The following RANBP10 variants were observed in gnomAD, a reference collection of about 807,000 sequenced individuals.
The protein encoded by RANBP10 is ran-binding protein 10.
RANBP10 carries 24 observed loss-of-function variants against 72.8 expected under a neutral mutation model. The observed-to-expected ratio is 0.33, with a 90% CI of 0.24 to 0.46. The LOEUF is 0.46. Ranked by LOEUF, RANBP10 falls within the 20% of genes least tolerant of loss-of-function variation. RANBP10 has a pLI of 1.00. For missense variants in RANBP10, 679 were observed against 817.5 expected (o/e 0.83, Z 2.07); for synonymous variants, 310 against 322.3 (o/e 0.96, Z 0.41).
intron 3 of RANBP10, among the ~76,000 whole-genome samples, chr16:67,757,020 C>A (rs1433509368): frequency 6.6e-6 from 1 of 152,160 alleles, no homozygotes; most frequent in Non-Finnish European, 1.5e-5. Flanking sequence ...CCCTGACCAA[C>A]ATAGAGAAAC....
chr16:67,779,679 G>A (rs1404078394), intron 2 of RANBP10, among the ~76,000 whole-genome samples: 1 of 152,092 alleles, frequency 6.6e-6, no homozygotes, highest in Non-Finnish European at 1.5e-5. Context: ...AAACAGGTGT[G>A]ATAAATTTCT....
rs2055150130 is a variant in RANBP10, at chr16:67,797,273, C to T, written c.347+8155G>A. Among the ~76,000 whole-genome samples, 4 of 152,174 alleles carry T rather than the reference C, an allele frequency of 2.6e-5. No homozygotes were observed. In the South Asian group the frequency reaches 8.3e-4, roughly 32 times the overall value. ...ATTTCTCTAAAAGCTAATCCTTGAC[C>T]AAGAAGGCCCCAGCTATAAAGAAGG... On this transcript the variant is annotated intron_variant, in intron 2 of 13. Transcript: ENST00000317506.
rs1176673068 is a variant in RANBP10, at chr16:67,785,139, G to A, written c.348-13053C>T. Among the ~76,000 whole-genome samples, 4 of 152,090 alleles carry A rather than the reference G, an allele frequency of 2.6e-5. No homozygotes were observed. The East Asian group carries it at 5.8e-4, about 22-fold the overall frequency. The stretch of plus-strand genomic sequence containing the variant: ...AGGCAGGAGAATCACTGGAACCCTG[G>A]AAGAGGAGGTTGCAGTGAGCCGAGA... On this transcript the variant is annotated intron_variant, in intron 2 of 13. Coordinates refer to ENST00000317506, the MANE Select transcript of RANBP10 (RefSeq NM_020850.3).
In RANBP10 at chr16:67,728,008, C is replaced by G. The variant is rs1597817603; in HGVS notation, c.1475-112G>C. ...GGCTGCAGCTTCTGCCAGAGGCAGG[C>G]AGGGCTGGGAGGAACAGGTGAGGCA... On this transcript the variant is annotated intron_variant, in intron 11 of 13. Transcript: ENST00000317506. The G allele has an allele frequency of 2.4e-6, 3 of 1,232,290 alleles. No individual in the cohort carries two copies. In the South Asian group the frequency reaches 4.0e-5, roughly 16 times the overall value. The allele number at this position is 1,232,290 out of a possible 1,614,324, so 76.3% of individuals were successfully genotyped here.
intron 2 of RANBP10, among the ~76,000 whole-genome samples, chr16:67,803,586 G>C (rs2143030452): frequency 6.7e-6 from 1 of 148,944 alleles, no homozygotes; most frequent in Non-Finnish European, 1.5e-5. Context: ...GGAGGCGGAG[G>C]TTGTGGTGAG....
At chr16:67,756,547 G>A (rs1205580377) in intron 3 of RANBP10, among the ~76,000 whole-genome samples, 1 of 152,036 alleles carries the variant, frequency 6.6e-6, no homozygotes, top group Admixed American at 6.6e-5. Flanking sequence ...TACTAAAAAT[G>A]TAACAATTAG....
At chr16:67,772,721 T>G (rs2054631092) in intron 2 of RANBP10, among the ~76,000 whole-genome samples, 1 of 152,132 alleles carries the variant, frequency 6.6e-6, no homozygotes, top group Admixed American at 6.6e-5. Flanking sequence ...CTTATTCTCT[T>G]TGAACCCTGA....
intron 2 of RANBP10, among the ~76,000 whole-genome samples, chr16:67,790,533 G>C (rs2055004596): frequency 6.6e-6 from 1 of 151,522 alleles, no homozygotes; most frequent in African/African-American, 2.4e-5. Flanking sequence ...AAACCAGCAA[G>C]GACCGCATCT....
At chr16:67,740,943 G>A (rs571073745) in intron 4 of RANBP10, among the ~76,000 whole-genome samples, 4 of 152,190 alleles carry the variant, frequency 2.6e-5, no homozygotes, top group South Asian at 2.1e-4. Context: ...GGCCTGCCCC[G>A]GAGCTGCCCT....
intron 2 of RANBP10, among the ~76,000 whole-genome samples, chr16:67,772,675 G>T (rs764247346): frequency 1.3e-5 from 2 of 152,126 alleles, no homozygotes; most frequent in Non-Finnish European, 2.9e-5. Context: ...GGCCCCCAGA[G>T]ACCCCCTCAC....
chr16:67,728,416 T>G lies in RANBP10; in HGVS notation c.1448A>C (p.Asp483Ala), dbSNP rs2053652504. 1 of 1,614,018 alleles carries G rather than the reference T, an allele frequency of 6.2e-7. No individual in the cohort carries two copies. Among genetic ancestry groups the G allele is most frequent in the African/African-American group, 1.3e-5 (1 of 74,922 alleles). ...CATGCTGGACTCATCCGTCTGCAGG[T>G]CCTCATGCTTGTAGGCACCATTAAC... Reference protein sequence around the residue: ...RIVNGAYKHEDLQTDESSMDD... With the variant: ...RIVNGAYKHEALQTDESSMDD... Residue 483 changes from aspartate (D) to alanine (A), a missense_variant, in exon 11 of 14, where the codon GAC becomes GCC. Physicochemically the swap from Asp to Ala is moderately radical, Grantham distance 126. Transcript: ENST00000317506.
chr16:67,784,620 C>T (rs1341115566), intron 2 of RANBP10, among the ~76,000 whole-genome samples: 2 of 151,718 alleles, frequency 1.3e-5, no homozygotes, highest in East Asian at 1.9e-4. Context: ...CGAGTCATTG[C>T]GCTCCAGCCT....
chr16:67,746,789 G>C (rs2054089415), intron 3 of RANBP10, among the ~76,000 whole-genome samples: 1 of 152,188 alleles, frequency 6.6e-6, no homozygotes, highest in African/African-American at 2.4e-5. Context: ...AGAACATGAG[G>C]TGTCTTGCCT....
chr16:67,790,054 C>A (rs913912166), intron 2 of RANBP10, among the ~76,000 whole-genome samples: 4 of 151,242 alleles, frequency 2.6e-5, no homozygotes, highest in African/African-American at 9.8e-5. Flanking sequence ...CGAGATCGCA[C>A]CACTGCACTC....
rs543902274 is a variant in RANBP10 at position 67,796,777 on chromosome 16, C to T, written c.347+8651G>A. On this transcript the variant is annotated intron_variant, in intron 2 of 13. Transcript: ENST00000317506. ...GGGTGCCAAGGGCTTCCCCAGTCCC[C>T]TCCCAACTTCCCTATATAGTACAGA... Among the ~76,000 whole-genome samples, 10 of 152,320 alleles carry T rather than the reference C, an allele frequency of 6.6e-5. No individual in the cohort carries two copies. In the South Asian group the frequency reaches 2.1e-3, roughly 32 times the overall value.
rs751683358 is a variant in RANBP10, at chr16:67,772,084, T to A, written c.350A>T (p.Tyr117Phe). 5 of 1,528,116 alleles carry A rather than the reference T, an allele frequency of 3.3e-6. No individual in the cohort carries two copies. Among genetic ancestry groups the A allele is most frequent in the Non-Finnish European group, 8.8e-7 (1 of 1,135,088 alleles). The allele number at this position is 1,528,116 out of a possible 1,614,324, so 94.7% of individuals were successfully genotyped here. ...VKIVSKGRDGYMGIGLSAQGV... is the reference protein window; with the variant it reads ...VKIVSKGRDGFMGIGLSAQGV... ...TTGAGCCGAGAGTCCTATTCCCATGTAACTTCAAAAAAAAAAAAAAAAAAA... is the reference window on the plus strand; with the variant it reads ...TTGAGCCGAGAGTCCTATTCCCATGAAACTTCAAAAAAAAAAAAAAAAAAA... The change falls in exon 3 of 14, where the codon TAC (tyrosine) becomes TTC (phenylalanine). Residue 117 changes from tyrosine (Y) to phenylalanine (F), a missense_variant and splice_region_variant. Transcript: ENST00000317506.
chr16:67,755,683 CAAAAAAA>C (rs58929828), intron 3 of RANBP10, among the ~76,000 whole-genome samples: 4 of 54,368 alleles, frequency 7.4e-5, no homozygotes. Context: ...GACTCTGCCT[CAAAAAAA>C]AAAAAAAAAA....
intron 2 of RANBP10, among the ~76,000 whole-genome samples, chr16:67,799,233 C>T (rs2055188524): frequency 6.6e-6 from 1 of 151,324 alleles, no homozygotes; most frequent in Non-Finnish European, 1.5e-5. Context: ...AGGCCACACA[C>T]AAGGTATTTT....
intron 3 of RANBP10, among the ~76,000 whole-genome samples, chr16:67,758,980 G>A (rs1432151513): frequency 2.0e-5 from 3 of 152,266 alleles, no homozygotes; most frequent in Admixed American, 6.5e-5. Context: ...CCATAGGGCC[G>A]AGGGTGCTGC....
Sources: allele counts gnomAD v4.1 joint callset (sites outside exome capture counted in the v4.1 genomes callset), GRCh38; gene constraint gnomAD v4.1.1; transcripts MANE v1.5; gene names NCBI Gene and HGNC (gene_info 2026-07-23, HGNC 2026-07-21).